ATP8B2: variants seen among roughly 807,000 people sequenced by gnomAD.
ATP8B2 encodes the protein phospholipid-transporting ATPase ID.
A neutral mutation model predicts 133.4 loss-of-function variants in ATP8B2; 70 were observed. The observed-to-expected ratio is 0.52, with a 90% CI of 0.43 to 0.64. The LOEUF is 0.64. Among genes scored for constraint, ATP8B2 ranks in the 30% least tolerant of loss-of-function variants. The probability of loss-of-function intolerance (pLI) is 0.00; values close to 1 mark genes in which losing one functional copy is unlikely to be tolerated. For missense variants in ATP8B2, 1,101 were observed against 1,535.7 expected (o/e 0.72, Z 4.73); for synonymous variants, 517 against 589.5 (o/e 0.88, Z 1.78).
rs770964960 is a variant in ATP8B2 at position 154,332,036 on chromosome 1, G to A, written c.509+12G>A. On this transcript the variant is annotated intron_variant, in intron 8 of 27. Coordinates refer to ENST00000368489, the MANE Select transcript of ATP8B2 (RefSeq NM_001370597.1). Reference sequence around the variant, plus strand: ...GCAGAACTTGATGGGTAAGTGGCATGCTCAGTGTCAGCCCTCTCCTTCTGT... The same window carrying A: ...GCAGAACTTGATGGGTAAGTGGCATACTCAGTGTCAGCCCTCTCCTTCTGT... The A allele has an allele frequency of 1.9e-6, 3 of 1,610,298 alleles. No individual in the cohort carries two copies. The Admixed American group carries it at 5.0e-5, about 27-fold the overall frequency.
chr1:154,330,583 C>G (rs1299769214), intron 3 of ATP8B2, 129 bp downstream of exon 3: 1 of 939,912 alleles, frequency 1.1e-6, no homozygotes, highest in East Asian at 2.5e-5. Flanking sequence ...CCTCCTCAGC[C>G]ACTCTCCATC....
At position 154,330,673 on chromosome 1, in the gene ATP8B2, C is replaced by T. The variant is rs116322496; in HGVS notation, c.91-142C>T. On this transcript the variant is annotated intron_variant, in intron 3 of 27. Coordinates refer to ENST00000368489, the MANE Select transcript of ATP8B2 (RefSeq NM_001370597.1). ...GACCCCCTTGAGACTCCCTTCTCTCCTCCTCTTTCCCCCTCCCACACCTGT... is the reference window on the plus strand; with the variant it reads ...GACCCCCTTGAGACTCCCTTCTCTCTTCCTCTTTCCCCCTCCCACACCTGT... 2.9e-3 allele frequency: 2,253 copies of T among 784,466 alleles called. 8 individuals carry two copies. Among genetic ancestry groups the T allele is most frequent in the Non-Finnish European group, 4.1e-3 (1,951 of 477,038 alleles). 48.6% of individuals were successfully genotyped at this position (784,466 alleles called of 1,614,324 possible).
chr1:154,331,778 T>G lies in ATP8B2; in HGVS notation c.438+100T>G, dbSNP rs1188725172. 6 of 1,402,922 alleles carry G rather than the reference T, an allele frequency of 4.3e-6. No homozygotes were observed. The highest frequency in any genetic ancestry group is 6.1e-6 in the Non-Finnish European group (6 of 990,128). 86.9% of individuals were successfully genotyped at this position (1,402,922 alleles called of 1,614,324 possible). A position where few individuals can be genotyped will look rare whatever the true frequency, so the allele number is the denominator to read the frequency against. ...TTTACTGTTGCCTCTTAAACACCCG[T>G]GGCAGGAATCTTTCTCACACCAGGG... is the stretch of plus-strand genomic sequence containing the variant. On this transcript the variant is annotated intron_variant, in intron 7 of 27. Transcript: ENST00000368489. The surrounding 1 kb of genome is among the most constrained non-coding windows in gnomAD (Gnocchi z 4.8).
chr1:154,327,494 T>A (rs1401456355), intron 1 of ATP8B2, among the ~76,000 whole-genome samples: 4 of 151,958 alleles, frequency 2.6e-5, no homozygotes, highest in African/African-American at 9.7e-5. Flanking sequence ...CCCAGAAGGG[T>A]GGCTGACCCA....
chr1:154,328,256 A>G lies in ATP8B2; in HGVS notation c.31+84A>G. On this transcript the variant is annotated intron_variant, in intron 2 of 27. Coordinates refer to ENST00000368489, the MANE Select transcript of ATP8B2 (RefSeq NM_001370597.1). This position sits in a 1 kb window ranked among gnomAD's most constrained non-coding sequence, Gnocchi z 4.6. ...TCAGGGAGCAAAAGGAAAAGGGACA[A>G]CTGGTATGGGTCTGAGGGAGGGTAG... The G allele has an allele frequency of 7.1e-7, 1 of 1,415,850 alleles. No individual in the cohort carries two copies. The highest frequency in any genetic ancestry group is 1.0e-6 in the Non-Finnish European group (1 of 1,001,810). The allele number at this position is 1,415,850 out of a possible 1,614,324, so 87.7% of individuals were successfully genotyped here. A position where few individuals can be genotyped will look rare whatever the true frequency, so the allele number is the denominator to read the frequency against.
intron 27 of ATP8B2, 125 bp downstream of exon 27, chr1:154,348,663 C>G (rs1387089096): frequency 6.9e-7 from 1 of 1,441,788 alleles, no homozygotes; most frequent in Non-Finnish European, 9.3e-7. Flanking sequence ...TCTGTTCTTC[C>G]TGGGGACAGA....
rs961528418 is a variant in ATP8B2 at position 154,343,056 on chromosome 1, G to A, written c.1454-57G>A. 6.3e-6 allele frequency: 10 copies of A among 1,594,524 alleles called. No individual in the cohort carries two copies. Among genetic ancestry groups the A allele is most frequent in the South Asian group, 2.3e-5 (2 of 88,524 alleles). The stretch of plus-strand genomic sequence containing the variant: ...GCGGCTGGGCTGGGGCTTCCTGGGC[G>A]GGGCACGTGGCTGAGGGAAGCCACT... On this transcript the variant is annotated intron_variant, in intron 15 of 27. Coordinates refer to ENST00000368489, the MANE Select transcript of ATP8B2 (RefSeq NM_001370597.1). The surrounding 1 kb of genome is among the most constrained non-coding windows in gnomAD (Gnocchi z 5.8).
rs765434624 is a variant in ATP8B2 at position 154,334,069 on chromosome 1, C to T, written c.590-38C>T. 39 of 1,608,658 alleles carry T rather than the reference C, an allele frequency of 2.4e-5. No homozygotes were observed. The highest frequency in any genetic ancestry group is 3.1e-5 in the Non-Finnish European group (36 of 1,175,886). Reference sequence around the variant, plus strand: ...TATTGTCTTGTGGTTAGGCTGTAGACTGGACCTTAAGCAGTGGAATTCTTG... The same window carrying T: ...TATTGTCTTGTGGTTAGGCTGTAGATTGGACCTTAAGCAGTGGAATTCTTG... On this transcript the variant is annotated intron_variant, in intron 9 of 27. Coordinates refer to ENST00000368489, the MANE Select transcript of ATP8B2 (RefSeq NM_001370597.1). This position sits in a 1 kb window ranked among gnomAD's most constrained non-coding sequence, Gnocchi z 4.6.
At chr1:154,348,144 G>A (rs1227511592) in intron 26 of ATP8B2, among the ~76,000 whole-genome samples, 2 of 152,132 alleles carry the variant, frequency 1.3e-5, no homozygotes, top group Non-Finnish European at 2.9e-5. Flanking sequence ...ATCAGATTTG[G>A]GGAAAGGAAA....
chr1:154,343,371 G>C lies in ATP8B2; in HGVS notation c.1642+70G>C. 6.2e-7 allele frequency: 1 copy of C among 1,603,540 alleles called. No homozygotes were observed. The highest frequency in any genetic ancestry group is 8.5e-7 in the Non-Finnish European group (1 of 1,172,548). ...AGGCCTGGAATGGGTGAAGTGTGCC[G>C]GGTGACTCTTGATGTGTTTATGTTG... On this transcript the variant is annotated intron_variant, in intron 16 of 27. Transcript: ENST00000368489. The surrounding 1 kb of genome is among the most constrained non-coding windows in gnomAD (Gnocchi z 5.8).
rs28688494 is a variant in ATP8B2 at position 154,331,310 on chromosome 1, A to G, written c.304-134A>G. On this transcript the variant is annotated intron_variant, in intron 5 of 27. Coordinates refer to ENST00000368489, the MANE Select transcript of ATP8B2 (RefSeq NM_001370597.1). The surrounding 1 kb of genome is among the most constrained non-coding windows in gnomAD (Gnocchi z 4.8). Reference sequence around the variant, plus strand: ...ATGTCTTTTTGCTGAGCGTGGGGAGAGGGAATCAGGGAGTGAACTGGTTTG... The same window carrying G: ...ATGTCTTTTTGCTGAGCGTGGGGAGGGGGAATCAGGGAGTGAACTGGTTTG... 1.7e-6 allele frequency: 2 copies of G among 1,145,658 alleles called. No homozygotes were observed. Among genetic ancestry groups the G allele is most frequent in the Non-Finnish European group, 2.6e-6 (2 of 778,570 alleles). The allele number at this position is 1,145,658 out of a possible 1,614,324, so 71.0% of individuals were successfully genotyped here.
chr1:154,342,734 C>CA (rs1686428913), intron 14 of ATP8B2, 62 bp from the exon 15 acceptor site: 1 of 1,576,382 alleles, frequency 6.3e-7, no homozygotes, highest in Non-Finnish European at 8.7e-7. Flanking sequence ...CAGGGATGAA[C>CA]CCTTCCCCGG....
chr1:154,335,749 G>C (rs751688895), intron 11 of ATP8B2, among the ~76,000 whole-genome samples: 2 of 147,008 alleles, frequency 1.4e-5, no homozygotes, highest in Non-Finnish European at 3.0e-5. Context: ...AAAAAAAAAA[G>C]GCAATCTTAG....
In ATP8B2 at chr1:154,343,998, C is replaced by T. The variant is rs1360433731; in HGVS notation, c.1864C>T (p.Gln622Ter). The T allele has an allele frequency of 6.2e-7, 1 of 1,614,134 alleles. No individual in the cohort carries two copies. The highest frequency in any genetic ancestry group is 1.3e-5 in the African/African-American group (1 of 75,024). ...GCGACGCCTCCAGGCCAGCCTGGCC[C>T]AGGACAGCCGGGAGGACAGGCTGGC... ...AERRLQASLA[Q>*]DSREDRLASI... The change falls in exon 18 of 28, where the codon CAG becomes TAG. Residue 622 changes from glutamine to a stop codon, truncating the protein, a stop_gained. Transcript: ENST00000368489. LOFTEE classifies it high-confidence loss of function. The surrounding 1 kb of genome is among the most constrained non-coding windows in gnomAD (Gnocchi z 5.8).
chr1:154,337,085 A>G (rs909316426), intron 11 of ATP8B2, among the ~76,000 whole-genome samples: 4 of 149,828 alleles, frequency 2.7e-5, no homozygotes, highest in Admixed American at 6.7e-5. Flanking sequence ...GGCTTGAGCC[A>G]CTGCGCCCAG....
rs749058130 is a variant in ATP8B2 at position 154,334,224 on chromosome 1, T to C, written c.707T>C (p.Leu236Pro). ...NQNMLLRGCV[L>P]RNTEWCFGLV... is the part of the protein sequence containing the mutation. ...AACATGCTGCTGCGGGGCTGTGTGC[T>C]GCGAAACACCGAGTGGTGCTTCGGG... The change falls in exon 10 of 28, where the codon CTG (leucine) becomes CCG (proline). Residue 236 changes from leucine to proline, a missense_variant. Leu to Pro is a moderately conservative substitution (Grantham distance 98, BLOSUM62 -3). Transcript: ENST00000368489. This position sits in a 1 kb window ranked among gnomAD's most constrained non-coding sequence, Gnocchi z 4.6. 1 of 1,614,204 alleles carries C rather than the reference T, an allele frequency of 6.2e-7. No homozygotes were observed. Among genetic ancestry groups the C allele is most frequent in the Non-Finnish European group, 8.5e-7 (1 of 1,180,044 alleles).
Position 154,349,283 on chromosome 1 carries a change from A to G in ATP8B2, c.*165A>G. On this transcript the variant is annotated 3_prime_UTR_variant, in exon 28 of 28. Transcript: ENST00000368489. ...ACACATGGCTGGGACATCTGTTCCC[A>G]GCTGTAGGCCCTTCCACCAGCTGGG... 1 of 970,628 alleles carries G rather than the reference A, an allele frequency of 1.0e-6. No homozygotes were observed. The highest frequency in any genetic ancestry group is 1.7e-5 in the South Asian group (1 of 58,814). The allele number at this position is 970,628 out of a possible 1,614,324, so 60.1% of individuals were successfully genotyped here. A position where few individuals can be genotyped will look rare whatever the true frequency, so the allele number is the denominator to read the frequency against.
chr1:154,347,938 CAA>C (rs35998355), intron 26 of ATP8B2, among the ~76,000 whole-genome samples: 247 of 101,322 alleles, frequency 2.4e-3, no homozygotes, highest in Admixed American at 3.3e-3. Context: ...AACTCTGTCT[CAA>C]AAAAAAAAAA....
In ATP8B2 at chr1:154,348,944, T is replaced by C. The variant is rs2149178215; in HGVS notation, c.3399T>C (p.His1133=). 1 of 1,614,216 alleles carries C rather than the reference T, an allele frequency of 6.2e-7. No individual in the cohort carries two copies. Among genetic ancestry groups the C allele is most frequent in the Non-Finnish European group, 8.5e-7 (1 of 1,180,024 alleles). The change falls in exon 28 of 28, where the codon CAT becomes CAC. Residue 1133 remains histidine (H), a synonymous_variant. Coordinates refer to ENST00000368489, the MANE Select transcript of ATP8B2 (RefSeq NM_001370597.1). ...GGCGCTCCGGCTATGCCTTCTCCCA[T>C]CAGGAGGGCTTCGGGGAGCTCATCA... is the stretch of plus-strand genomic sequence containing the variant. ...GSRRSGYAFS[H]QEGFGELIMS... is the part of the protein sequence containing the mutation.
Sources: allele counts gnomAD v4.1 joint callset (sites outside exome capture counted in the v4.1 genomes callset), GRCh38; gene constraint gnomAD v4.1.1; non-coding constraint Gnocchi (gnomAD v3.1); transcripts MANE v1.5; gene names NCBI Gene and HGNC (gene_info 2026-07-23, HGNC 2026-07-21).